Variants in RYR3 observed in about 807,000 individuals in gnomAD.
RYR3 encodes the protein ryanodine receptor 3.
In RYR3, 207 loss-of-function variants were observed where a neutral mutation model predicts 584.3. The observed-to-expected ratio is 0.35, with a 90% confidence interval of 0.32 to 0.40. RYR3 has a LOEUF of 0.40. Among genes scored for constraint, RYR3 ranks in the 10% least tolerant of loss-of-function variants. The probability of loss-of-function intolerance (pLI) is 1.00; values close to 1 mark genes in which losing one functional copy is unlikely to be tolerated. For missense variants in RYR3, 5,616 were observed against 6,089.2 expected (o/e 0.92, Z 2.59); for synonymous variants, 2,416 against 2,248.5 (o/e 1.07, Z -2.11).
chr15:33,747,402 G>T (rs1452579197), intron 53 of RYR3, among the ~76,000 whole-genome samples: 17 of 123,618 alleles, frequency 1.4e-4, no homozygotes, highest in Non-Finnish European at 1.9e-4. Flanking sequence ...TTGAGACGGA[G>T]TTTCACTGTT....
At chr15:33,827,158 C>T in intron 84 of RYR3, 41 bp from the exon 85 acceptor site, 1 of 1,508,410 alleles carries the variant, frequency 6.6e-7, no homozygotes, top group Non-Finnish European at 9.0e-7. Flanking sequence ...GCCCCCTCGG[C>T]ATGGCAGGGA....
rs116436844 is a variant in RYR3, at chr15:33,861,349, G to A, written c.14465+171G>A. ...TCTGTCTCTCCCATGTGTGATAGAC[G>A]TGTGTTGTGGACAATTCCCGCTCCT... On this transcript the variant is annotated intron_variant, in intron 102 of 103. Transcript: ENST00000634891. Among the ~76,000 whole-genome samples, 974 of 152,170 alleles carry A rather than the reference G, an allele frequency of 6.4e-3. 8 individuals are homozygous for A. Among genetic ancestry groups the A allele is most frequent in the African/African-American group, 0.023 (934 of 41,450 alleles).
chr15:33,435,493 C>G (rs1030393485), intron 1 of RYR3, among the ~76,000 whole-genome samples: 2 of 152,148 alleles, frequency 1.3e-5, no homozygotes, highest in Non-Finnish European at 2.9e-5. Context: ...TCACATCCTA[C>G]TGTAATAAAC....
chr15:33,370,287 C>T (rs375580297), intron 1 of RYR3, among the ~76,000 whole-genome samples: 29 of 152,206 alleles, frequency 1.9e-4, no homozygotes, highest in Admixed American at 2.6e-4. Flanking sequence ...CACTCTGACA[C>T]GGTTTCCACA....
intron 72 of RYR3, among the ~76,000 whole-genome samples, chr15:33,811,510 C>CAA (rs34105459): frequency 2.1e-5 from 3 of 140,756 alleles, no homozygotes; most frequent in Non-Finnish European, 3.1e-5. Context: ...GACTCCGTCT[C>CAA]AAAAAAAAAA....
At chr15:33,698,551 C>A (rs1566974005) in intron 40 of RYR3, among the ~76,000 whole-genome samples, 1 of 152,094 alleles carries the variant, frequency 6.6e-6, no homozygotes, top group Non-Finnish European at 1.5e-5. Flanking sequence ...GGGCTGGGGA[C>A]CTCCTCACGG....
At chr15:33,342,849 T>C (rs1971993516) in intron 1 of RYR3, among the ~76,000 whole-genome samples, 2 of 152,172 alleles carry the variant, frequency 1.3e-5, no homozygotes, top group African/African-American at 4.8e-5. Context: ...AGAAGTTTTA[T>C]TCGAACTGTG....
intron 75 of RYR3, among the ~76,000 whole-genome samples, chr15:33,818,238 C>A (rs561981798): frequency 6.6e-6 from 1 of 152,246 alleles, no homozygotes; most frequent in East Asian, 1.9e-4. Flanking sequence ...CTCCTGAACT[C>A]GGGTGCCCAG....
chr15:33,520,604 A>G (rs1179079453), intron 3 of RYR3, among the ~76,000 whole-genome samples: 4 of 150,472 alleles, frequency 2.7e-5, no homozygotes, highest in African/African-American at 5.0e-5. Flanking sequence ...AATAATTCGG[A>G]AAAAAAAAAT....
chr15:33,663,514 T>A, intron 35 of RYR3, 23 bp from the exon 36 acceptor site: 1 of 1,605,708 alleles, frequency 6.2e-7, no homozygotes, highest in South Asian at 1.1e-5. Context: ...CAAAGTGTTA[T>A]CTATATAATA....
intron 1 of RYR3, among the ~76,000 whole-genome samples, chr15:33,387,774 G>C (rs2041719196): frequency 6.6e-6 from 1 of 151,628 alleles, no homozygotes; most frequent in Non-Finnish European, 1.5e-5. Context: ...AAGGAACAAA[G>C]AACAAAACGT....
At position 33,623,975 on chromosome 15, in the gene RYR3, G is replaced by C. The variant is rs777796027; in HGVS notation, c.2526G>C (p.Gln842His). Reference sequence around the variant, plus strand: ...TTAGAGATCTCTTGGGTACCACCCAGTTCCTCTCCCAAGCCTCTTTCATCC... The same window carrying C: ...TTAGAGATCTCTTGGGTACCACCCACTTCCTCTCCCAAGCCTCTTTCATCC... The part of the protein sequence containing the change: ...DGIRDLLGTT[Q>H]FLSQASFIPC... Residue 842 changes from glutamine to histidine, a missense_variant, in exon 20 of 104, where the codon CAG becomes CAC. Gln to His is a conservative substitution (Grantham distance 24). Transcript: ENST00000634891. 16 of 1,613,872 alleles carry C rather than the reference G, an allele frequency of 9.9e-6. No homozygotes were observed. In the African/African-American group the frequency reaches 2.0e-4, roughly 20 times the overall value.
In RYR3 at chr15:33,642,576, C is replaced by A. The variant is rs1022314019; in HGVS notation, c.3557-1735C>A. ...CTTCACATCTTGTCATGGCACATAGCAAAACTGTCTTTCCCAATGCGGAGC... is the reference window on the plus strand; with the variant it reads ...CTTCACATCTTGTCATGGCACATAGAAAAACTGTCTTTCCCAATGCGGAGC... On this transcript the variant is annotated intron_variant, in intron 27 of 103. Coordinates refer to ENST00000634891, the MANE Select transcript of RYR3 (RefSeq NM_001036.6). Among the ~76,000 whole-genome samples the A allele has an allele frequency of 2.0e-5, 3 of 152,190 alleles. No individual in the cohort carries two copies. In the South Asian group the frequency reaches 6.2e-4, roughly 32 times the overall value.
chr15:33,494,463 C>T (rs2051243783), intron 2 of RYR3, among the ~76,000 whole-genome samples: 1 of 152,110 alleles, frequency 6.6e-6, no homozygotes, highest in Admixed American at 6.6e-5. Context: ...TTAGAAGTCT[C>T]CTGGTGCTAT....
intron 18 of RYR3, among the ~76,000 whole-genome samples, chr15:33,608,866 T>G (rs1423920562): frequency 6.6e-6 from 1 of 152,248 alleles, no homozygotes; most frequent in Non-Finnish European, 1.5e-5. Context: ...GGTGGTTATT[T>G]TCAATGGAAA....
intron 19 of RYR3, among the ~76,000 whole-genome samples, chr15:33,618,320 G>A (rs750127900): frequency 1.6e-4 from 25 of 152,196 alleles, no homozygotes; most frequent in Non-Finnish European, 2.6e-4. Context: ...TGTGGTTGCT[G>A]TTTGTTTTCT....
chr15:33,636,316 T>C lies in RYR3; in HGVS notation c.3382-60T>C, dbSNP rs548113755. ...GAGATATCGAAGATATGGTCATTTC[T>C]CCAGCTGCTGGGGCCTCTAGAGACT... is the stretch of plus-strand genomic sequence containing the variant. On this transcript the variant is annotated intron_variant, in intron 26 of 103. Transcript: ENST00000634891. The C allele has an allele frequency of 3.7e-5, 53 of 1,440,344 alleles. 1 individual carries two copies. In the East Asian group the frequency reaches 1.2e-3, roughly 33 times the overall value. 89.2% of individuals were successfully genotyped at this position (1,440,344 alleles called of 1,614,324 possible). A position where few individuals can be genotyped will look rare whatever the true frequency, so the allele number is the denominator to read the frequency against.
intron 50 of RYR3, among the ~76,000 whole-genome samples, chr15:33,738,962 A>T (rs2069788491): frequency 6.6e-6 from 1 of 152,208 alleles, no homozygotes; most frequent in East Asian, 1.9e-4. Context: ...TCGAGCCAAG[A>T]GGAAAAGTCC....
intron 58 of RYR3, 74 bp from the exon 59 acceptor site, chr15:33,756,232 T>C: frequency 1.0e-6 from 1 of 978,706 alleles, no homozygotes; most frequent in South Asian, 1.4e-5. Context: ...GAAAAGCTGC[T>C]CTGTTTCTAA....
Sources: allele counts gnomAD v4.1 joint callset (sites outside exome capture counted in the v4.1 genomes callset), GRCh38; gene constraint gnomAD v4.1.1; transcripts MANE v1.5; gene names NCBI Gene and HGNC (gene_info 2026-07-23, HGNC 2026-07-21).